NUMB: variants seen among roughly 807,000 people sequenced by gnomAD.
NUMB encodes NUMB endocytic adaptor protein, also known as protein numb homolog.
A neutral mutation model predicts 59.7 loss-of-function variants in NUMB; 29 were observed. That is an observed-to-expected ratio of 0.49 (90% CI 0.36 to 0.66). The LOEUF (loss-of-function observed/expected upper bound fraction) is 0.66, where lower values mean the gene tolerates loss of function less well. Ranked by LOEUF, NUMB falls within the 30% of genes least tolerant of loss-of-function variation. The probability of loss-of-function intolerance (pLI) is 0.00; values close to 1 mark genes in which losing one functional copy is unlikely to be tolerated. For synonymous variants in NUMB, 288 were observed against 288.2 expected (o/e 1.00, Z 0.01); for missense variants, 723 against 822.0 (o/e 0.88, Z 1.47).
At chr14:73,339,492 T>G (rs1390858923) in intron 4 of NUMB, among the ~76,000 whole-genome samples, 1 of 152,160 alleles carries the variant, frequency 6.6e-6, no homozygotes, top group Non-Finnish European at 1.5e-5. Flanking sequence ...CTCACTTTCT[T>G]TGTGTATTTG....
intron 5 of NUMB, among the ~76,000 whole-genome samples, chr14:73,319,107 C>G (rs1891252100): frequency 6.6e-6 from 1 of 152,068 alleles, no homozygotes; most frequent in Middle Eastern, 3.4e-3. Context: ...AACCCCGTCT[C>G]ATACAATTAG....
intron 7 of NUMB, among the ~76,000 whole-genome samples, chr14:73,294,685 T>C (rs1257565204): frequency 1.3e-5 from 2 of 150,238 alleles, no homozygotes; most frequent in Non-Finnish European, 3.0e-5. Flanking sequence ...GCCCAGCGAA[T>C]TTTTTGTATT....
chr14:73,403,531 G>A (rs569468188), intron 2 of NUMB, among the ~76,000 whole-genome samples: 42 of 152,352 alleles, frequency 2.8e-4, no homozygotes, highest in African/African-American at 8.2e-4. Flanking sequence ...AGGAAAGAAT[G>A]AGAGACAAGA....
At chr14:73,333,093 T>C (rs1278459898) in intron 4 of NUMB, among the ~76,000 whole-genome samples, 3 of 152,214 alleles carry the variant, frequency 2.0e-5, no homozygotes, top group Non-Finnish European at 4.4e-5. Flanking sequence ...TTTGGGGGTA[T>C]ATAACTAGCA....
intron 9 of NUMB, chr14:73,286,401 C>T (rs1032674976): frequency 6.6e-6 from 1 of 151,938 alleles, no homozygotes; most frequent in Admixed American, 6.6e-5. Context: ...TTGGTTTTAA[C>T]CCTACTTATA....
Position 73,276,508 on chromosome 14 carries a change from T to C in NUMB, c.*70A>G. 8.1e-7 allele frequency: 1 copy of C among 1,235,680 alleles called. No individual in the cohort carries two copies. The highest frequency in any genetic ancestry group is 1.1e-6 in the Non-Finnish European group (1 of 871,054). The allele number at this position is 1,235,680 out of a possible 1,614,324, so 76.5% of individuals were successfully genotyped here. On this transcript the variant is annotated 3_prime_UTR_variant, in exon 13 of 13. Coordinates refer to ENST00000555238, the MANE Select transcript of NUMB (RefSeq NM_001005743.2). ...AGTACTAATCAGGAGACAAAGTCTG[T>C]TTTGCTCCTTTGACCGCTACCCCCT...
chr14:73,408,341 T>C (rs1413087082), intron 2 of NUMB, among the ~76,000 whole-genome samples: 1 of 151,842 alleles, frequency 6.6e-6, no homozygotes, highest in African/African-American at 2.4e-5. Flanking sequence ...CAAAACAAAT[T>C]TGGAGGTATA....
At chr14:73,425,772 C>T (rs1230099636) in intron 1 of NUMB, among the ~76,000 whole-genome samples, 1 of 151,582 alleles carries the variant, frequency 6.6e-6, no homozygotes, top group Non-Finnish European at 1.5e-5. Context: ...CACAAAGAAA[C>T]ACTAAGAGAT....
chr14:73,275,988 A>AT lies in NUMB; in HGVS notation c.*589dup, dbSNP rs1314193151. Reference sequence around the variant, plus strand: ...ATATTCTAAATGCATAAAAATAAAGATTTTGGCTTTTGATATATATAATAT... The same window carrying AT: ...ATATTCTAAATGCATAAAAATAAAGATTTTTGGCTTTTGATATATATAATAT... On this transcript the variant is annotated 3_prime_UTR_variant, in exon 13 of 13. Coordinates refer to ENST00000555238, the MANE Select transcript of NUMB (RefSeq NM_001005743.2). 1.3e-5 allele frequency: 2 copies of AT among 152,712 alleles called. No homozygotes were observed. The highest frequency in any genetic ancestry group is 2.9e-5 in the Non-Finnish European group (2 of 68,066). The allele number at this position is 152,712 out of a possible 1,614,324, so 9.5% of individuals were successfully genotyped here.
intron 2 of NUMB, among the ~76,000 whole-genome samples, chr14:73,377,847 A>C (rs1179141450): frequency 2.0e-5 from 3 of 152,106 alleles, no homozygotes; most frequent in Non-Finnish European, 4.4e-5. Flanking sequence ...GGTACCTGTA[A>C]TCCCAGCTAC....
chr14:73,295,622 C>A (rs112857178), intron 7 of NUMB, among the ~76,000 whole-genome samples: 6 of 152,164 alleles, frequency 3.9e-5, no homozygotes, highest in African/African-American at 1.2e-4. Flanking sequence ...CTATATTAAA[C>A]CACTTGAAAT....
chr14:73,454,485 G>T (rs926682386), intron 1 of NUMB, among the ~76,000 whole-genome samples: 6 of 152,270 alleles, frequency 3.9e-5, no homozygotes, highest in Admixed American at 1.3e-4. Flanking sequence ...AGAATTTATT[G>T]TACAGCGAGT....
chr14:73,342,950 C>A (rs760215001), intron 4 of NUMB, among the ~76,000 whole-genome samples: 2 of 152,004 alleles, frequency 1.3e-5, no homozygotes, highest in Non-Finnish European at 2.9e-5. Flanking sequence ...CCTCAGCCTC[C>A]TGAGTAGCTG....
At chr14:73,384,830 G>A (rs894254451) in intron 2 of NUMB, among the ~76,000 whole-genome samples, 5 of 151,092 alleles carry the variant, frequency 3.3e-5, no homozygotes, top group Non-Finnish European at 4.4e-5. Context: ...CTCCTGCCTC[G>A]GCCTCCCAAA....
At position 73,276,932 on chromosome 14, in the gene NUMB, C is replaced by T. The variant is rs1268066213; in HGVS notation, c.1602G>A (p.Met534Ile). 1 of 1,614,016 alleles carries T rather than the reference C, an allele frequency of 6.2e-7. No homozygotes were observed. The highest frequency in any genetic ancestry group is 1.3e-5 in the African/African-American group (1 of 74,920). Residue 534 changes from methionine (M) to isoleucine (I), a missense_variant, in exon 13 of 13, where the codon ATG becomes ATA. This residue lies in a region of NUMB where 406 missense variants were observed against 385.4 expected (regional missense o/e 1.05). Transcript: ENST00000555238. ...VPVVGITPSQMVANVFGTAGH... is the reference protein window; with the variant it reads ...VPVVGITPSQIVANVFGTAGH... ...CTGCAGTGCCAAATACGTTGGCCAC[C>T]ATCTGGGAGGGAGTGATGCCCACCA... is the stretch of plus-strand genomic sequence containing the variant.
intron 4 of NUMB, among the ~76,000 whole-genome samples, chr14:73,328,247 C>T (rs1326611299): frequency 5.4e-5 from 8 of 148,448 alleles, no homozygotes; most frequent in Non-Finnish European, 1.0e-4. Flanking sequence ...TGCACTCCAG[C>T]CTGGGAGACA....
In NUMB at chr14:73,446,621, AT is replaced by A. The variant is rs1364847588; in HGVS notation, c.-233+11871del. Reference sequence around the variant, plus strand: ...CTTTGTCTCAAAAAAAAAAAAAAAAATCCTTAACATGACAAAATGCCAAACT... The same window carrying A: ...CTTTGTCTCAAAAAAAAAAAAAAAAACCTTAACATGACAAAATGCCAAACT... On this transcript the variant is annotated intron_variant, in intron 1 of 12. Coordinates refer to ENST00000555238, the MANE Select transcript of NUMB (RefSeq NM_001005743.2). Among the ~76,000 whole-genome samples the A allele has an allele frequency of 4.8e-3, 727 of 150,734 alleles. 5 individuals carry two copies. The highest frequency in any genetic ancestry group is 0.017 in the African/African-American group (685 of 40,572).
chr14:73,352,764 A>C (rs1253199651), intron 4 of NUMB, among the ~76,000 whole-genome samples: 1 of 146,702 alleles, frequency 6.8e-6, no homozygotes, highest in African/African-American at 2.5e-5. Context: ...GGATGGTCTC[A>C]ATCTCCTGAC....
In NUMB at chr14:73,284,141, G is replaced by T; in HGVS notation, c.889C>A (p.Arg297Ser). Residue 297 changes from arginine to serine, a missense_variant, in exon 10 of 13, where the codon CGC (arginine) becomes AGC (serine). Physicochemically the swap from Arg to Ser is moderately radical, Grantham distance 110. Transcript: ENST00000555238. Reference sequence around the variant, plus strand: ...ATAGTGGAAGGCAACTCATTGATGCGTAGGGATAGTTGGCGTTTAAAGGGT... The same window carrying T: ...ATAGTGGAAGGCAACTCATTGATGCTTAGGGATAGTTGGCGTTTAAAGGGT... ...MSPFKRQLSL[R>S]INELPSTMQR... The T allele has an allele frequency of 6.2e-7, 1 of 1,614,164 alleles. No individual in the cohort carries two copies. Among genetic ancestry groups the T allele is most frequent in the Non-Finnish European group, 8.5e-7 (1 of 1,180,008 alleles).
Sources: allele counts gnomAD v4.1 joint callset (sites outside exome capture counted in the v4.1 genomes callset), GRCh38; gene constraint gnomAD v4.1.1; regional missense constraint gnomAD v4.1.1; transcripts MANE v1.5; gene names NCBI Gene and HGNC (gene_info 2026-07-23, HGNC 2026-07-21).